Variants in PRKG1 observed in about 807,000 individuals in gnomAD.
PRKG1 encodes the protein cGMP-dependent protein kinase 1.
PRKG1 carries 35 observed loss-of-function variants against 88.1 expected under a neutral mutation model. The observed-to-expected ratio is 0.40, with a 90% confidence interval of 0.30 to 0.53. PRKG1 has a LOEUF of 0.53. PRKG1 is among the 20% of genes least tolerant of loss of function. The pLI, the probability that PRKG1 is intolerant of heterozygous loss-of-function variation, is 0.59. For synonymous variants in PRKG1, 303 were observed against 292.5 expected, an observed-to-expected ratio of 1.04 and a Z score of -0.37; for missense variants, 540 against 839.8, an observed-to-expected ratio of 0.64 and a Z score of 4.41.
At chr10:52,291,689 T>C (rs1434759262) in intron 17 of PRKG1, among the ~76,000 whole-genome samples, 2 of 152,070 alleles carry the variant, frequency 1.3e-5, no homozygotes, top group Non-Finnish European at 2.9e-5. Context: ...TCTTTGCTAT[T>C]GTGAATAGTG....
At chr10:51,273,629 A>G (rs1840039382) in intron 2 of PRKG1, among the ~76,000 whole-genome samples, 2 of 152,348 alleles carry the variant, frequency 1.3e-5, no homozygotes, top group African/African-American at 4.8e-5. Context: ...AAATGTAACT[A>G]GTTGCCAACA....
rs1231215513 is a variant in PRKG1 at position 51,871,800 on chromosome 10, T to C, written c.699-35707T>C. 3.3e-5 allele frequency among the ~76,000 whole-genome samples: 5 copies of C among 152,108 alleles called. No homozygotes were observed. In the East Asian group the frequency reaches 9.6e-4, roughly 29 times the overall value. ...GGGAGGGGGAAACACCGCAGGCACA[T>C]GTGGCTTATACATGTGCAGAGTCTT... On this transcript the variant is annotated intron_variant, in intron 4 of 17. Coordinates refer to ENST00000373980, the MANE Select transcript of PRKG1 (RefSeq NM_006258.4).
chr10:51,247,517 TC>T (rs1178294994), intron 2 of PRKG1, among the ~76,000 whole-genome samples: 2 of 151,930 alleles, frequency 1.3e-5, no homozygotes, highest in Non-Finnish European at 2.9e-5. Context: ...TAAGTAAATA[TC>T]CAGCAAAATT....
intron 2 of PRKG1, among the ~76,000 whole-genome samples, chr10:51,315,457 A>G (rs949954457): frequency 1.2e-4 from 19 of 152,212 alleles, no homozygotes; most frequent in African/African-American, 4.6e-4. Context: ...AAGAAAGAGA[A>G]TATGTGATCA....
At chr10:52,024,850 T>C (rs1349589794) in intron 5 of PRKG1, among the ~76,000 whole-genome samples, 1 of 152,338 alleles carries the variant, frequency 6.6e-6, no homozygotes, top group East Asian at 1.9e-4. Flanking sequence ...TACCTAGTAA[T>C]GAGATCGCTG....
chr10:50,995,745 A>G (rs547210807), intron 1 of PRKG1, among the ~76,000 whole-genome samples: 2 of 152,324 alleles, frequency 1.3e-5, no homozygotes, highest in South Asian at 4.1e-4. Context: ...ACAATTTTTT[A>G]ATGAGTTTAA....
intron 7 of PRKG1, among the ~76,000 whole-genome samples, chr10:52,104,509 A>T (rs1344011346): frequency 6.6e-6 from 1 of 152,042 alleles, no homozygotes; most frequent in African/African-American, 2.4e-5. Flanking sequence ...AAAAAAAAAA[A>T]TTGTTATCAC....
At chr10:51,044,825 G>T (rs1589121316) in intron 1 of PRKG1, among the ~76,000 whole-genome samples, 2 of 152,072 alleles carry the variant, frequency 1.3e-5, no homozygotes, top group Non-Finnish European at 2.9e-5. Flanking sequence ...ATCCTAAATT[G>T]TTTTACTTCA....
chr10:51,959,582 A>G (rs540559123), intron 5 of PRKG1, among the ~76,000 whole-genome samples: 65 of 152,156 alleles, frequency 4.3e-4, no homozygotes, highest in African/African-American at 1.5e-3. Context: ...TCACTGCTCC[A>G]GTTGGGTTTA....
Position 51,830,930 on chromosome 10 carries a change from G to GAATAA in PRKG1, c.698+26242_698+26246dup, listed in dbSNP as rs1306956601. 3.3e-5 allele frequency among the ~76,000 whole-genome samples: 5 copies of GAATAA among 151,378 alleles called. No homozygotes were observed. In the East Asian group the frequency reaches 9.7e-4, roughly 29 times the overall value. ...TTCAACTGTGAGATCATACGCTCAGGAATAAATACTAAATCTGTGCTACCT... is the reference window on the plus strand; with the variant it reads ...TTCAACTGTGAGATCATACGCTCAGGAATAAAATAAATACTAAATCTGTGCTACCT... On this transcript the variant is annotated intron_variant, in intron 4 of 17. Coordinates refer to ENST00000373980, the MANE Select transcript of PRKG1 (RefSeq NM_006258.4).
chr10:51,370,476 G>A (rs78275825), intron 2 of PRKG1, among the ~76,000 whole-genome samples: 1 of 146,412 alleles, frequency 6.8e-6, no homozygotes, highest in African/African-American at 2.5e-5. Flanking sequence ...GAGAGAGAAA[G>A]AGACAGAAAG....
At chr10:51,725,448 T>TC (rs1158217370) in intron 3 of PRKG1, among the ~76,000 whole-genome samples, 1 of 151,582 alleles carries the variant, frequency 6.6e-6, no homozygotes, top group Admixed American at 6.6e-5. Flanking sequence ...TTTTTTTTTT[T>TC]CCTTTGGTCA....
chr10:51,116,507 C>T (rs1845126670), intron 1 of PRKG1, among the ~76,000 whole-genome samples: 2 of 152,064 alleles, frequency 1.3e-5, no homozygotes, highest in African/African-American at 4.8e-5. Flanking sequence ...GGATTAAAGC[C>T]ATTTGAAATC....
At chr10:52,117,164 C>CTGTGTGTG (rs71459438) in intron 7 of PRKG1, among the ~76,000 whole-genome samples, 39,890 of 138,930 alleles carry the variant, frequency 0.29, 6,196 homozygotes, top group Middle Eastern at 0.34. Flanking sequence ...TGTGAAATAT[C>CTGTGTGTG]TGTGTGTGTG....
intron 4 of PRKG1, among the ~76,000 whole-genome samples, chr10:51,848,808 G>A (rs905907164): frequency 2.4e-4 from 37 of 151,268 alleles, no homozygotes; most frequent in South Asian, 6.3e-4. Flanking sequence ...CTCAGCCTAT[G>A]TGTGCATTTT....
intron 7 of PRKG1, among the ~76,000 whole-genome samples, chr10:52,090,536 C>T (rs1226842414): frequency 1.3e-5 from 2 of 152,058 alleles, no homozygotes. Context: ...ATTGGATCAT[C>T]ACAGTTAATA....
Position 51,309,287 on chromosome 10 carries a change from A to G in PRKG1, c.478+155957A>G, listed in dbSNP as rs74133570. Reference sequence around the variant, plus strand: ...ACTCCTATTGGATTAAATAATCAACAGAGTGAACAGAGAGCCTACAGAATG... The same window carrying G: ...ACTCCTATTGGATTAAATAATCAACGGAGTGAACAGAGAGCCTACAGAATG... On this transcript the variant is annotated intron_variant, in intron 2 of 17. Coordinates refer to ENST00000373980, the MANE Select transcript of PRKG1 (RefSeq NM_006258.4). Among the ~76,000 whole-genome samples the G allele has an allele frequency of 6.8e-3, 1,030 of 152,324 alleles. 8 individuals carry two copies. Among genetic ancestry groups the G allele is most frequent in the African/African-American group, 0.024 (984 of 41,584 alleles).
At chr10:51,833,252 C>T (rs79552458) in intron 4 of PRKG1, among the ~76,000 whole-genome samples, 3,457 of 152,166 alleles carry the variant, frequency 0.023, 140 homozygotes, top group African/African-American at 0.078. Context: ...TTGAGCAGGA[C>T]GAGTGAGGTT....
chr10:51,725,003 C>T (rs1223852446), intron 3 of PRKG1, among the ~76,000 whole-genome samples: 1 of 151,686 alleles, frequency 6.6e-6, no homozygotes, highest in Non-Finnish European at 1.5e-5. Flanking sequence ...AGCCACTGCA[C>T]CTGGCCTCAT....
Sources: gnomAD v4.1 joint callset for allele counts (sites outside exome capture counted in the v4.1 genomes callset) on GRCh38, gnomAD v4.1.1 for gene constraint, MANE v1.5 for transcripts, NCBI Gene and HGNC (gene_info 2026-07-23, HGNC 2026-07-21) for gene names.